Variants in ADGRD1 observed in about 807,000 individuals in gnomAD.
ADGRD1 encodes G-protein coupled receptor 133.
A neutral mutation model predicts 113.4 loss-of-function variants in ADGRD1; 77 were observed. The observed-to-expected ratio is 0.68, with a 90% CI of 0.57 to 0.82. ADGRD1 has a LOEUF of 0.82. Among genes scored for constraint, ADGRD1 ranks in the 40% least tolerant of loss-of-function variants. The probability of loss-of-function intolerance (pLI) is 0.00; values close to 1 mark genes in which losing one functional copy is unlikely to be tolerated. For missense variants in ADGRD1, 1,036 were observed against 1,139.1 expected, an observed-to-expected ratio of 0.91 and a Z score of 1.30; for synonymous variants, 474 against 475.0, an observed-to-expected ratio of 1.00 and a Z score of 0.03.
At position 131,141,291 on chromosome 12, in the gene ADGRD1, T is replaced by C. The variant is rs978738822; in HGVS notation, c.*2028T>C. ...TCCAATGAATGAAAGTCATGCACTT[T>C]ATTTATAGGCTCTATGTTTTGGCTT... On this transcript the variant is annotated 3_prime_UTR_variant, in exon 25 of 25. Coordinates refer to ENST00000261654, the MANE Select transcript of ADGRD1 (RefSeq NM_198827.5). 1.3e-5 allele frequency: 2 copies of C among 152,388 alleles called. No individual in the cohort carries two copies. The highest frequency in any genetic ancestry group is 6.5e-5 in the Admixed American group (1 of 15,304). The allele number at this position is 152,388 out of a possible 1,614,324, so 9.4% of individuals were successfully genotyped here.
In ADGRD1 at chr12:131,084,657, G is replaced by A. The variant is rs760912657; in HGVS notation, c.1665G>A (p.Pro555=). Residue 555 remains proline (P), a synonymous_variant, in exon 15 of 25, where the codon CCG becomes CCA. Transcript: ENST00000261654. The surrounding 1 kb of genome is among the most constrained non-coding windows in gnomAD (Gnocchi z 4.5). ...TNFAILMQVV[P]LELARGHQVA... ...TTGCCATCCTCATGCAGGTGGTCCC[G>A]CTGGAGGTAAGAGCCAGGCCTCAGG... The A allele has an allele frequency of 9.9e-6, 16 of 1,613,746 alleles. No homozygotes were observed. The highest frequency in any genetic ancestry group is 1.7e-5 in the Admixed American group (1 of 60,006).
At chr12:131,080,625 T>C (rs1885991077) in intron 14 of ADGRD1, among the ~76,000 whole-genome samples, 1 of 152,182 alleles carries the variant, frequency 6.6e-6, no homozygotes, top group South Asian at 2.1e-4. Context: ...TTTATTCTTT[T>C]TTTTATGTTT....
intron 15 of ADGRD1, among the ~76,000 whole-genome samples, chr12:131,104,303 C>G (rs1318750430): frequency 1.3e-5 from 2 of 151,950 alleles, no homozygotes; most frequent in Non-Finnish European, 2.9e-5. Flanking sequence ...GGCCTCAGGC[C>G]GGGGCGGTAA....
chr12:131,003,151 A>C lies in ADGRD1; in HGVS notation c.1027-34A>C. 1 of 1,552,428 alleles carries C rather than the reference A, an allele frequency of 6.4e-7. No homozygotes were observed. Among genetic ancestry groups the C allele is most frequent in the Non-Finnish European group, 8.9e-7 (1 of 1,124,324 alleles). On this transcript the variant is annotated intron_variant, in intron 9 of 24. Transcript: ENST00000261654. This position sits in a 1 kb window ranked among gnomAD's most constrained non-coding sequence, Gnocchi z 4.8. ...CTGGTGCCCTGGCTGAGTGGGGTGGATTTTCATGGCTCCTGGTGCTTGTGT... is the reference window on the plus strand; with the variant it reads ...CTGGTGCCCTGGCTGAGTGGGGTGGCTTTTCATGGCTCCTGGTGCTTGTGT...
chr12:131,087,569 G>A (rs866986079), intron 15 of ADGRD1, among the ~76,000 whole-genome samples: 1 of 152,258 alleles, frequency 6.6e-6, no homozygotes, highest in Admixed American at 6.5e-5. Context: ...CTGTTGTGAG[G>A]CTGGTGGGAC....
Position 131,059,764 on chromosome 12 carries a change from G to A in ADGRD1, c.1474-17037G>A, listed in dbSNP as rs540862289. 2.6e-5 allele frequency among the ~76,000 whole-genome samples: 4 copies of A among 152,312 alleles called. No homozygotes were observed. In the East Asian group the frequency reaches 5.8e-4, roughly 22 times the overall value. ...TTGGAAGCACTTCTAATTCTTTGCT[G>A]AGACTCTTTTTCATTTGTTTCAAGA... On this transcript the variant is annotated intron_variant, in intron 13 of 24. Coordinates refer to ENST00000261654, the MANE Select transcript of ADGRD1 (RefSeq NM_198827.5).
chr12:130,955,123 C>CTTTTTTTTTTTTTTTTGTTTT (rs71451389), intron 2 of ADGRD1, among the ~76,000 whole-genome samples: 1 of 99,716 alleles, frequency 1.0e-5, no homozygotes, highest in Non-Finnish European at 1.9e-5. Flanking sequence ...CTACACCCAG[C>CTTTTTTTTTTTTTTTTGTTTT]TTTTTTTTTT....
At chr12:131,017,458 C>T (rs1044109181) in intron 13 of ADGRD1, among the ~76,000 whole-genome samples, 11 of 149,384 alleles carry the variant, frequency 7.4e-5, no homozygotes, top group East Asian at 2.0e-4. Flanking sequence ...ACACCCAGCA[C>T]AGACACACAC....
chr12:131,139,023 A>G, intron 24 of ADGRD1, 145 bp from the exon 25 acceptor site: 1 of 624,558 alleles, frequency 1.6e-6, no homozygotes, highest in Non-Finnish European at 2.9e-6. Flanking sequence ...CCCCAGGAGC[A>G]TGGGGGCTCC....
At chr12:131,006,618 T>C (rs1877157287) in intron 12 of ADGRD1, among the ~76,000 whole-genome samples, 1 of 144,346 alleles carries the variant, frequency 6.9e-6, no homozygotes, top group Non-Finnish European at 1.5e-5. Context: ...CATCGCCTCA[T>C]GTGGGTTTGG....
At chr12:131,049,844 G>A (rs1470661993) in intron 13 of ADGRD1, among the ~76,000 whole-genome samples, 1 of 152,194 alleles carries the variant, frequency 6.6e-6, no homozygotes, top group South Asian at 2.1e-4. Context: ...AGTGGGGTCC[G>A]TGGGGGACTC....
intron 9 of ADGRD1, chr12:131,002,424 C>G: frequency 2.7e-6 from 2 of 743,090 alleles, no homozygotes; most frequent in Non-Finnish European, 3.3e-6. Context: ...ATTCTATTTC[C>G]AGCTCATGAG....
At chr12:131,038,946 C>T (rs771253106) in intron 13 of ADGRD1, among the ~76,000 whole-genome samples, 4 of 152,242 alleles carry the variant, frequency 2.6e-5, no homozygotes, top group African/African-American at 9.6e-5. Context: ...GTTACGGCCT[C>T]GAGTGGAGGA....
intron 13 of ADGRD1, among the ~76,000 whole-genome samples, chr12:131,031,568 C>A: frequency 6.6e-6 from 1 of 150,808 alleles, no homozygotes; most frequent in South Asian, 2.1e-4. Context: ...GCAAACACGG[C>A]CCCCCCACCC....
At chr12:131,048,459 GC>G (rs1156726792) in intron 13 of ADGRD1, among the ~76,000 whole-genome samples, 5 of 152,204 alleles carry the variant, frequency 3.3e-5, no homozygotes, top group African/African-American at 9.7e-5. Flanking sequence ...GTGCAGAGGG[GC>G]CTGCCCATCT....
At position 131,039,164 on chromosome 12, in the gene ADGRD1, C is replaced by T. The variant is rs145415719; in HGVS notation, c.1473+24824C>T. ...CACTGCCCGCTGAGCCGGGACGGTG[C>T]GGAGAGTCCTGTGCTCCTCCAGCCA... On this transcript the variant is annotated intron_variant, in intron 13 of 24. Coordinates refer to ENST00000261654, the MANE Select transcript of ADGRD1 (RefSeq NM_198827.5). Among the ~76,000 whole-genome samples, 558 of 151,302 alleles carry T rather than the reference C, an allele frequency of 3.7e-3. 3 individuals carry two copies. The highest frequency in any genetic ancestry group is 0.013 in the African/African-American group (531 of 41,260).
intron 4 of ADGRD1, chr12:130,981,018 TAG>T (rs1432622779): frequency 1.3e-5 from 2 of 152,224 alleles, no homozygotes; most frequent in Non-Finnish European, 2.9e-5. Context: ...ATGTGCAGAC[TAG>T]AGTCTTGAAA....
chr12:131,136,736 G>A (rs186529300), intron 22 of ADGRD1, among the ~76,000 whole-genome samples: 282 of 152,322 alleles, frequency 1.9e-3, no homozygotes, highest in African/African-American at 6.1e-3. Flanking sequence ...ACCTGCTGCC[G>A]CACCTATGCC....
rs11061312 is a variant in ADGRD1 at position 131,075,628 on chromosome 12, C to G, written c.1474-1173C>G. Among the ~76,000 whole-genome samples the G allele has an allele frequency of 2.0e-5, 3 of 151,824 alleles. No homozygotes were observed. Among genetic ancestry groups the G allele is most frequent in the African/African-American group, 7.3e-5 (3 of 41,376 alleles). Reference sequence around the variant, plus strand: ...TGGAGGAGCTGTCAGACAGATGCTGCGATGATAGCCCTGTGAGTCCTTTGG... The same window carrying G: ...TGGAGGAGCTGTCAGACAGATGCTGGGATGATAGCCCTGTGAGTCCTTTGG... On this transcript the variant is annotated intron_variant, in intron 13 of 24. Coordinates refer to ENST00000261654, the MANE Select transcript of ADGRD1 (RefSeq NM_198827.5). The surrounding 1 kb of genome is among the most constrained non-coding windows in gnomAD (Gnocchi z 5.3).
Sources: allele counts gnomAD v4.1 joint callset (sites outside exome capture counted in the v4.1 genomes callset), GRCh38; gene constraint gnomAD v4.1.1; non-coding constraint Gnocchi (gnomAD v3.1); transcripts MANE v1.5; gene names NCBI Gene and HGNC (gene_info 2026-07-23, HGNC 2026-07-21).